PHF20: variants seen among roughly 807,000 people sequenced by gnomAD.
The protein encoded by PHF20 is PHD finger protein 20.
Under a neutral mutation model 113.5 loss-of-function variants are expected in PHF20, and 23 were observed. That is an observed-to-expected ratio of 0.20 (90% CI 0.15 to 0.29). PHF20 has a LOEUF of 0.29. Among genes scored for constraint, PHF20 ranks in the 10% least tolerant of loss-of-function variants. PHF20 has a pLI of 1.00. For missense variants in PHF20, 943 were observed against 1,219.6 expected (o/e 0.77, Z 3.38); for synonymous variants, 434 against 457.3 (o/e 0.95, Z 0.65).
chr20:35,845,124 A>T (rs1048308224), intron 3 of PHF20, among the ~76,000 whole-genome samples: 1 of 151,752 alleles, frequency 6.6e-6, no homozygotes, highest in Non-Finnish European at 1.5e-5. Flanking sequence ...TTCATTTGAA[A>T]TAAAATCATA....
chr20:35,845,501 G>T (rs2042607957), intron 3 of PHF20: 1 of 214,958 alleles, frequency 4.7e-6, no homozygotes, highest in Non-Finnish European at 1.0e-5. Context: ...GAGTACCTGG[G>T]ACTATAGGCA....
At position 35,927,766 on chromosome 20, in the gene PHF20, T is replaced by G; in HGVS notation, c.2005-14T>G. 1 of 1,601,416 alleles carries G rather than the reference T, an allele frequency of 6.2e-7. No individual in the cohort carries two copies. The highest frequency in any genetic ancestry group is 8.6e-7 in the Non-Finnish European group (1 of 1,168,458). ...TTCTGAGTTTAATTTTTGTTGCTTCTTTAATTCTAACAGTGTGAAGAGTGC... is the reference window on the plus strand; with the variant it reads ...TTCTGAGTTTAATTTTTGTTGCTTCGTTAATTCTAACAGTGTGAAGAGTGC... On this transcript the variant is annotated splice_polypyrimidine_tract_variant and intron_variant, in intron 13 of 17. Transcript: ENST00000374012.
chr20:35,894,242 T>C (rs1423572646), intron 9 of PHF20, among the ~76,000 whole-genome samples: 1 of 152,192 alleles, frequency 6.6e-6, no homozygotes, highest in Non-Finnish European at 1.5e-5. Flanking sequence ...ATAATAGCTG[T>C]CTCCAGCCAT....
intron 9 of PHF20, chr20:35,887,517 G>A (rs2054756876): frequency 6.6e-6 from 1 of 152,158 alleles, no homozygotes; most frequent in African/African-American, 2.4e-5. Flanking sequence ...TTCATATAGA[G>A]TAGCTCACAA....
intron 17 of PHF20, among the ~76,000 whole-genome samples, chr20:35,946,854 C>T (rs774530330): frequency 4.0e-4 from 61 of 152,040 alleles, no homozygotes; most frequent in African/African-American, 5.6e-4. Context: ...GGACTACAGA[C>T]GGGCACCACC....
intron 1 of PHF20, among the ~76,000 whole-genome samples, chr20:35,794,017 AG>A (rs748923677): frequency 1.1e-4 from 15 of 140,760 alleles, no homozygotes; most frequent in Admixed American, 4.5e-4. Flanking sequence ...AAAAAAAAAA[AG>A]GCCAGGCGCG....
chr20:35,818,959 C>T (rs2042122097), intron 2 of PHF20, among the ~76,000 whole-genome samples: 1 of 150,914 alleles, frequency 6.6e-6, no homozygotes, highest in African/African-American at 2.4e-5. Context: ...TTGAGACAGT[C>T]TTGCTCTGCT....
intron 2 of PHF20, among the ~76,000 whole-genome samples, chr20:35,819,806 G>A (rs920524489): frequency 6.6e-6 from 1 of 152,110 alleles, no homozygotes; most frequent in Admixed American, 6.6e-5. Flanking sequence ...CAAGTATTTG[G>A]CTTTGGTTTT....
At chr20:35,827,554 G>C (rs889376801) in intron 2 of PHF20, among the ~76,000 whole-genome samples, 1 of 152,072 alleles carries the variant, frequency 6.6e-6, no homozygotes, top group African/African-American at 2.4e-5. Context: ...GGAGGCTGAG[G>C]TGGGTGGATC....
intron 9 of PHF20, among the ~76,000 whole-genome samples, chr20:35,886,534 G>T (rs1466648991): frequency 2.6e-5 from 4 of 152,116 alleles, no homozygotes; most frequent in South Asian, 2.1e-4. Context: ...TATCAAAAAG[G>T]TATCAAACTG....
At chr20:35,901,457 A>G (rs2055096362) in intron 10 of PHF20, among the ~76,000 whole-genome samples, 1 of 152,042 alleles carries the variant, frequency 6.6e-6, no homozygotes, top group Non-Finnish European at 1.5e-5. Flanking sequence ...TATACTTGGA[A>G]ATGGTAAAAA....
At chr20:35,885,467 CTTT>C (rs577878410) in intron 9 of PHF20, among the ~76,000 whole-genome samples, 19 of 35,726 alleles carry the variant, frequency 5.3e-4, no homozygotes, top group African/African-American at 1.8e-3. Flanking sequence ...GGGGAATAAG[CTTT>C]TTTTTTTTTT....
intron 13 of PHF20, among the ~76,000 whole-genome samples, chr20:35,924,322 G>A (rs1327049002): frequency 2.0e-5 from 3 of 151,182 alleles, no homozygotes; most frequent in African/African-American, 7.3e-5. Context: ...AGCCTCCCGA[G>A]TAGCTGGGAT....
chr20:35,824,846 T>C lies in PHF20; in HGVS notation c.84-17727T>C, dbSNP rs1245402297. Among the ~76,000 whole-genome samples the C allele has an allele frequency of 4.6e-5, 7 of 152,328 alleles. No individual in the cohort carries two copies. The East Asian group carries it at 7.7e-4, about 17-fold the overall frequency. ...GCCTGTTCTGGACATTTCATAGATATGGAGTCATACAGTAGGTGACTAGCT... is the reference window on the plus strand; with the variant it reads ...GCCTGTTCTGGACATTTCATAGATACGGAGTCATACAGTAGGTGACTAGCT... On this transcript the variant is annotated intron_variant, in intron 2 of 17. Transcript: ENST00000374012.
intron 4 of PHF20, 29 bp downstream of exon 4, chr20:35,847,463 AC>A (rs2042644265): frequency 7.0e-7 from 1 of 1,426,468 alleles, no homozygotes; most frequent in Admixed American, 1.7e-5. Flanking sequence ...AGTTGTTTTT[AC>A]TCATGACTTA....
chr20:35,875,030 G>A (rs2054493192), intron 9 of PHF20, among the ~76,000 whole-genome samples: 1 of 152,128 alleles, frequency 6.6e-6, no homozygotes, highest in African/African-American at 2.4e-5. Flanking sequence ...AACCAGGGAG[G>A]TCGAGGCTGC....
intron 2 of PHF20, among the ~76,000 whole-genome samples, chr20:35,828,424 G>C (rs1406697782): frequency 1.3e-5 from 2 of 152,110 alleles, no homozygotes; most frequent in African/African-American, 4.8e-5. Flanking sequence ...CCGGCCCCAT[G>C]ATGTTTCTTT....
intron 10 of PHF20, among the ~76,000 whole-genome samples, chr20:35,909,078 A>G (rs1478293081): frequency 6.6e-6 from 1 of 152,020 alleles, no homozygotes; most frequent in East Asian, 1.9e-4. Context: ...ATAGGAGTAG[A>G]GAGAGAGGCA....
intron 9 of PHF20, among the ~76,000 whole-genome samples, chr20:35,898,766 A>G (rs1237040557): frequency 6.6e-6 from 1 of 152,178 alleles, no homozygotes; most frequent in Non-Finnish European, 1.5e-5. Context: ...ACCTGCCATC[A>G]TGCCTGGCTA....
Sources: gnomAD v4.1 joint callset for allele counts (sites outside exome capture counted in the v4.1 genomes callset) on GRCh38, gnomAD v4.1.1 for gene constraint, MANE v1.5 for transcripts, NCBI Gene and HGNC (gene_info 2026-07-23, HGNC 2026-07-21) for gene names.